Variants in RHBDD1 observed in about 807,000 individuals in gnomAD.
RHBDD1 encodes rhomboid domain containing 1, also known as rhomboid-related protein 4.
A neutral mutation model predicts 36.3 loss-of-function variants in RHBDD1; 38 were observed. The ratio of observed to expected loss-of-function variants is 1.05; its 90% CI spans 0.81 to 1.37. RHBDD1 has a LOEUF of 1.37. RHBDD1 is among the 40% of genes most tolerant of loss of function. The pLI is 0.00. For missense variants in RHBDD1, 393 were observed against 377.6 expected, an observed-to-expected ratio of 1.04 and a Z score of -0.34; for synonymous variants, 151 against 136.5, an observed-to-expected ratio of 1.11 and a Z score of -0.74.
At chr2:226,824,331 T>C in the RHBDD1 span, among the ~76,000 whole-genome samples, 3 of 152,244 alleles carry the variant, frequency 2.0e-5, no homozygotes, top group East Asian at 1.9e-4. Flanking sequence ...ACTTGTAGGA[T>C]TGGACATCCA....
chr2:226,991,852 G>A (rs571469436), intron 8 of RHBDD1, among the ~76,000 whole-genome samples: 2 of 152,272 alleles, frequency 1.3e-5, no homozygotes, highest in South Asian at 2.1e-4. Flanking sequence ...CTCCTCTCAC[G>A]TATGAGTCAA....
chr2:226,914,668 T>C (rs1290573731), intron 8 of RHBDD1: 1 of 166,672 alleles, frequency 6.0e-6, no homozygotes, highest in Non-Finnish European at 1.3e-5. Context: ...GAGATTTTCT[T>C]TGGAATTCAT....
chr2:226,978,414 C>T (rs910080896), intron 8 of RHBDD1, among the ~76,000 whole-genome samples: 5 of 152,058 alleles, frequency 3.3e-5, no homozygotes, highest in African/African-American at 9.7e-5. Context: ...AGCAAACTGG[C>T]GGAATATGAA....
chr2:226,953,811 G>T (rs934885952), intron 8 of RHBDD1, among the ~76,000 whole-genome samples: 1 of 152,096 alleles, frequency 6.6e-6, no homozygotes, highest in African/African-American at 2.4e-5. Context: ...GGGTTCCAGC[G>T]ATCATTTTGG....
intron 8 of RHBDD1, among the ~76,000 whole-genome samples, chr2:226,927,975 T>C (rs1243242014): frequency 6.6e-6 from 1 of 152,144 alleles, no homozygotes; most frequent in Non-Finnish European, 1.5e-5. Context: ...AATTTATCAA[T>C]GTGTCAAGCA....
chr2:226,840,383 G>C (rs960833711), intron 3 of RHBDD1, among the ~76,000 whole-genome samples: 9 of 152,100 alleles, frequency 5.9e-5, no homozygotes, highest in African/African-American at 1.9e-4. Context: ...TAGTTTCTTG[G>C]ACATTGTTAC....
At chr2:226,982,718 C>T (rs897456528) in intron 8 of RHBDD1, among the ~76,000 whole-genome samples, 6 of 152,148 alleles carry the variant, frequency 3.9e-5, no homozygotes, top group Non-Finnish European at 7.4e-5. Context: ...TGGCTGAGGC[C>T]AGAAATTGAA....
At chr2:226,933,625 T>C (rs137896102) in intron 8 of RHBDD1, among the ~76,000 whole-genome samples, 170 of 152,258 alleles carry the variant, frequency 1.1e-3, no homozygotes, top group African/African-American at 4.0e-3. Flanking sequence ...TTGGCTGATC[T>C]GCTACCTCAG....
chr2:226,900,589 G>T (rs1262997488), intron 5 of RHBDD1, among the ~76,000 whole-genome samples: 10 of 152,100 alleles, frequency 6.6e-5, no homozygotes, highest in African/African-American at 2.4e-4. Flanking sequence ...CATATATTTT[G>T]TGTAATACAC....
intron 7 of RHBDD1, among the ~76,000 whole-genome samples, chr2:226,910,470 GTCC>G (rs1275658925): frequency 6.6e-6 from 1 of 152,004 alleles, no homozygotes; most frequent in Non-Finnish European, 1.5e-5. Flanking sequence ...TAATATGGCT[GTCC>G]TTAGCTGGAA....
intron 5 of RHBDD1, among the ~76,000 whole-genome samples, chr2:226,894,982 G>C (rs1449151535): frequency 2.0e-5 from 3 of 152,192 alleles, no homozygotes; most frequent in African/African-American, 7.2e-5. Flanking sequence ...AAGGGTGGAT[G>C]CTTAGCGTTG....
intron 5 of RHBDD1, among the ~76,000 whole-genome samples, chr2:226,905,569 A>G (rs972619020): frequency 1.3e-5 from 2 of 152,228 alleles, no homozygotes; most frequent in East Asian, 3.8e-4. Flanking sequence ...AGTGGATTTC[A>G]GAGGATGGCA....
At chr2:226,935,587 A>C (rs530758723) in intron 8 of RHBDD1, among the ~76,000 whole-genome samples, 1 of 152,128 alleles carries the variant, frequency 6.6e-6, no homozygotes, top group Admixed American at 6.6e-5. Flanking sequence ...CCATTAACTA[A>C]CTTTATTTGT....
intron 8 of RHBDD1, among the ~76,000 whole-genome samples, chr2:226,971,587 TTCTC>T (rs1436337696): frequency 6.6e-6 from 1 of 152,250 alleles, no homozygotes; most frequent in Non-Finnish European, 1.5e-5. Context: ...ATCCATTCTT[TTCTC>T]TCTGTTTAGT....
the RHBDD1 span, among the ~76,000 whole-genome samples, chr2:226,803,484 CAAGTT>C: frequency 2.0e-5 from 3 of 152,124 alleles, no homozygotes; most frequent in African/African-American, 7.2e-5. Context: ...TTTTCCCACT[CAAGTT>C]TTTTGGAACA....
chr2:226,905,500 A>T (rs1297907884), intron 5 of RHBDD1, among the ~76,000 whole-genome samples: 1 of 152,156 alleles, frequency 6.6e-6, no homozygotes, highest in Non-Finnish European at 1.5e-5. Flanking sequence ...CTTTGCAGAG[A>T]TGGGCAAGGC....
At chr2:226,969,669 C>G (rs1278305615) in intron 8 of RHBDD1, among the ~76,000 whole-genome samples, 29 of 152,112 alleles carry the variant, frequency 1.9e-4, no homozygotes, top group Admixed American at 1.2e-3. Flanking sequence ...AACAAATCTC[C>G]CCCAATTGTT....
At chr2:226,863,427 C>T (rs1455935751) in intron 3 of RHBDD1, among the ~76,000 whole-genome samples, 1 of 152,194 alleles carries the variant, frequency 6.6e-6, no homozygotes, top group African/African-American at 2.4e-5. Context: ...AAGGCAATAC[C>T]TTCTGTATTA....
intron 3 of RHBDD1, among the ~76,000 whole-genome samples, chr2:226,848,929 T>C (rs760559873): frequency 1.3e-4 from 20 of 152,202 alleles, no homozygotes; most frequent in Non-Finnish European, 2.6e-4. Flanking sequence ...GATTAACTAG[T>C]AATGTGGTTG....
Sources: gnomAD v4.1 joint callset for allele counts (sites outside exome capture counted in the v4.1 genomes callset) on GRCh38, gnomAD v4.1.1 for gene constraint, MANE v1.5 for transcripts, NCBI Gene and HGNC (gene_info 2026-07-23, HGNC 2026-07-21) for gene names.